SPECC1L: variants seen among roughly 807,000 people sequenced by gnomAD.
SPECC1L encodes cytospin-A.
Under a neutral mutation model 116.8 loss-of-function variants are expected in SPECC1L, and 40 were observed. The ratio of observed to expected loss-of-function variants is 0.34; its 90% CI spans 0.27 to 0.45. The LOEUF is 0.45. Among genes scored for constraint, SPECC1L ranks in the 20% least tolerant of loss-of-function variants. SPECC1L has a pLI of 1.00. For missense variants in SPECC1L, 1,110 were observed against 1,373.6 expected (o/e 0.81, Z 3.03); for synonymous variants, 504 against 500.6 (o/e 1.01, Z -0.09).
At chr22:24,383,797 T>C (rs1311722102) in intron 14 of SPECC1L, among the ~76,000 whole-genome samples, 6 of 13,578 alleles carry the variant, frequency 4.4e-4, no homozygotes, top group African/African-American at 1.2e-3. Flanking sequence ...CCACTATTTT[T>C]TTTTTTTTTT....
intron 6 of SPECC1L, among the ~76,000 whole-genome samples, chr22:24,326,319 T>A (rs942891539): frequency 6.6e-6 from 1 of 152,210 alleles, no homozygotes; most frequent in Non-Finnish European, 1.5e-5. Context: ...ACATTAGAAA[T>A]TTTTCAGCTT....
chr22:24,271,801 C>T (rs1406636873), intron 1 of SPECC1L, among the ~76,000 whole-genome samples: 6 of 152,130 alleles, frequency 3.9e-5, no homozygotes. Flanking sequence ...ACCAGAAGGG[C>T]GAGGAAAAGA....
intron 8 of SPECC1L, among the ~76,000 whole-genome samples, chr22:24,333,856 T>G (rs529488435): frequency 1.0e-3 from 154 of 152,164 alleles, no homozygotes; most frequent in African/African-American, 3.7e-3. Flanking sequence ...CTTACTCAGA[T>G]GAAAATGGAA....
At chr22:24,334,341 G>A in intron 8 of SPECC1L, 69 bp from the exon 9 acceptor site, 1 of 1,549,550 alleles carries the variant, frequency 6.5e-7, no homozygotes, top group East Asian at 2.2e-5. Context: ...ATGCCTTTCA[G>A]CTGGGAGGGG....
intron 14 of SPECC1L, among the ~76,000 whole-genome samples, chr22:24,383,607 C>G (rs1457528487): frequency 2.0e-5 from 3 of 152,020 alleles, no homozygotes; most frequent in African/African-American, 7.2e-5. Context: ...GAACTGGAAT[C>G]TGTAAAATAG....
At chr22:24,313,218 T>G (rs1205489915) in intron 3 of SPECC1L, 95 bp from the exon 4 acceptor site, 2 of 1,365,622 alleles carry the variant, frequency 1.5e-6, no homozygotes, top group Non-Finnish European at 2.1e-6. Context: ...ATAGGGCTCT[T>G]GAACTTAGTA....
chr22:24,389,798 T>C (rs1415942967), intron 14 of SPECC1L, among the ~76,000 whole-genome samples: 1 of 152,148 alleles, frequency 6.6e-6, no homozygotes, highest in Non-Finnish European at 1.5e-5. Flanking sequence ...AAGGAAGTGC[T>C]CTTTATAAAT....
intron 13 of SPECC1L, among the ~76,000 whole-genome samples, chr22:24,368,271 G>A (rs2041810516): frequency 6.6e-6 from 1 of 152,144 alleles, no homozygotes; most frequent in East Asian, 1.9e-4. Flanking sequence ...AGTTCCTTGG[G>A]ATAGGGGCCC....
Position 24,321,644 on chromosome 22 carries a change from G to A in SPECC1L, c.664G>A (p.Gly222Ser), listed in dbSNP as rs757691235. 2.4e-5 allele frequency: 39 copies of A among 1,614,092 alleles called. No homozygotes were observed. The highest frequency in any genetic ancestry group is 2.5e-5 in the Non-Finnish European group (29 of 1,180,048). ...QLGINEDHSE[G>S]DEKSEKETIM... ...GGGCATTAATGAGGATCATTCTGAG[G>A]GTGATGAAAAATCTGAGAAGGAAAC... Residue 222 changes from glycine to serine, a missense_variant, in exon 5 of 17, where the codon GGT becomes AGT. Gly to Ser is a moderately conservative substitution (Grantham distance 56). Coordinates refer to ENST00000314328, the MANE Select transcript of SPECC1L (RefSeq NM_015330.6).
intron 12 of SPECC1L, among the ~76,000 whole-genome samples, chr22:24,363,556 T>A (rs2041687864): frequency 6.6e-6 from 1 of 152,174 alleles, no homozygotes; most frequent in African/African-American, 2.4e-5. Flanking sequence ...TTGGAAGTCC[T>A]GTGCTCAGCT....
chr22:24,344,435 T>G (rs2041247607), intron 10 of SPECC1L, among the ~76,000 whole-genome samples: 1 of 151,708 alleles, frequency 6.6e-6, no homozygotes, highest in Non-Finnish European at 1.5e-5. Flanking sequence ...AAACTAGAAA[T>G]AGAAGGAGAC....
intron 14 of SPECC1L, among the ~76,000 whole-genome samples, chr22:24,399,160 G>C (rs541919515): frequency 6.6e-6 from 1 of 152,192 alleles, no homozygotes; most frequent in Admixed American, 6.5e-5. Context: ...GCTTCTCCAT[G>C]AAACGTCTCC....
At chr22:24,283,977 G>A (rs1204896008) in intron 2 of SPECC1L, among the ~76,000 whole-genome samples, 1 of 152,112 alleles carries the variant, frequency 6.6e-6, no homozygotes, top group Admixed American at 6.5e-5. Flanking sequence ...GGTAATTTGT[G>A]TCCTCTCTTT....
intron 9 of SPECC1L, among the ~76,000 whole-genome samples, chr22:24,336,318 T>C (rs2041054758): frequency 1.3e-5 from 2 of 151,980 alleles, no homozygotes; most frequent in Non-Finnish European, 2.9e-5. Context: ...GTGTGTGTGG[T>C]CTTGTTTTTT....
chr22:24,275,176 C>G (rs1440767083), intron 1 of SPECC1L, among the ~76,000 whole-genome samples: 2 of 152,234 alleles, frequency 1.3e-5, no homozygotes, highest in Non-Finnish European at 2.9e-5. Context: ...CTGCGGCCTC[C>G]ACTGGACAAT....
intron 2 of SPECC1L, among the ~76,000 whole-genome samples, chr22:24,299,402 A>C (rs62233089): frequency 6.6e-6 from 1 of 151,996 alleles, no homozygotes; most frequent in Non-Finnish European, 1.5e-5. Flanking sequence ...GCACCACTGC[A>C]CTCCAGCATG....
intron 14 of SPECC1L, among the ~76,000 whole-genome samples, chr22:24,407,663 T>C (rs2042618650): frequency 6.6e-6 from 1 of 152,200 alleles, no homozygotes; most frequent in South Asian, 2.1e-4. Flanking sequence ...TGGCCCCCTC[T>C]CCCTGCAAGG....
At chr22:24,348,405 GA>G (rs2041348434) in intron 11 of SPECC1L, among the ~76,000 whole-genome samples, 1 of 152,166 alleles carries the variant, frequency 6.6e-6, no homozygotes, top group South Asian at 2.1e-4. Context: ...TTTGGTGGTT[GA>G]ACTGGCCCTA....
At position 24,413,417 on chromosome 22, in the gene SPECC1L, A is replaced by G. The variant is rs1466811331; in HGVS notation, c.3264+710A>G. On this transcript the variant is annotated intron_variant, in intron 16 of 16. Coordinates refer to ENST00000314328, the MANE Select transcript of SPECC1L (RefSeq NM_015330.6). ...CACACAGACCATCGGGATTTTCAGA[A>G]AGGGCGGAGAGCCCACAGGCCAGTC... Among the ~76,000 whole-genome samples, 3 of 152,176 alleles carry G rather than the reference A, an allele frequency of 2.0e-5. No homozygotes were observed. The South Asian group carries it at 6.2e-4, about 32-fold the overall frequency.
Sources: allele counts gnomAD v4.1 joint callset (sites outside exome capture counted in the v4.1 genomes callset), GRCh38; gene constraint gnomAD v4.1.1; transcripts MANE v1.5; gene names NCBI Gene and HGNC (gene_info 2026-07-23, HGNC 2026-07-21).